TXNDC12: variants seen among roughly 807,000 people sequenced by gnomAD.
TXNDC12 encodes the protein thioredoxin domain containing 12.
TXNDC12 carries 22 observed loss-of-function variants against 24.2 expected under a neutral mutation model. The observed-to-expected ratio is 0.91, with a 90% CI of 0.65 to 1.30. TXNDC12 has a LOEUF of 1.30. TXNDC12 is among the 50% of genes most tolerant of loss of function. TXNDC12 has a pLI of 0.00. For synonymous variants in TXNDC12, 58 were observed against 73.4 expected, an observed-to-expected ratio of 0.79 and a Z score of 1.07; for missense variants, 184 against 205.8, an observed-to-expected ratio of 0.89 and a Z score of 0.65.
intron 2 of TXNDC12, among the ~76,000 whole-genome samples, chr1:52,036,764 C>T (rs1435194546): frequency 6.6e-6 from 1 of 152,222 alleles, no homozygotes; most frequent in Non-Finnish European, 1.5e-5. Context: ...TGTTTTTCCT[C>T]ATCATCTGGC....
At chr1:52,021,989 G>A (rs1685603176) in intron 6 of TXNDC12, among the ~76,000 whole-genome samples, 1 of 152,160 alleles carries the variant, frequency 6.6e-6, no homozygotes, top group Non-Finnish European at 1.5e-5. Flanking sequence ...TAAAGGGAAG[G>A]TGAATCTCAA....
At chr1:52,031,254 G>A (rs1182177005) in intron 2 of TXNDC12, among the ~76,000 whole-genome samples, 5 of 151,460 alleles carry the variant, frequency 3.3e-5, no homozygotes, top group Admixed American at 1.3e-4. Flanking sequence ...CCGCCTCCCG[G>A]GTTCAAGCGA....
Position 52,054,989 on chromosome 1 carries a change from C to A in TXNDC12, c.97+11G>T, listed in dbSNP as rs755160222. ...AAGATCAGTAAAGAGAAGATAAGAA[C>A]GCGGTCTGACCCTTTCCAAGCCCAT... On this transcript the variant is annotated intron_variant, in intron 1 of 6. Coordinates refer to ENST00000371626, the MANE Select transcript of TXNDC12 (RefSeq NM_015913.4). 5 of 1,598,558 alleles carry A rather than the reference C, an allele frequency of 3.1e-6. No homozygotes were observed. In the South Asian group the frequency reaches 4.4e-5, roughly 14 times the overall value.
rs1291714271 is a variant in TXNDC12 at position 52,028,635 on chromosome 1, A to G, written c.159-5T>C. On this transcript the variant is annotated splice_polypyrimidine_tract_variant and splice_region_variant and intron_variant, in intron 2 of 6. Transcript: ENST00000371626. The stretch of plus-strand genomic sequence containing the variant: ...ATCACCATCAGGGGCAGTCCACTTA[A>G]AAGCAAAACAAAGAAATTATAATCT... The G allele has an allele frequency of 1.9e-6, 3 of 1,604,138 alleles. No individual in the cohort carries two copies. Among genetic ancestry groups the G allele is most frequent in the Non-Finnish European group, 2.6e-6 (3 of 1,174,590 alleles).
intron 5 of TXNDC12, 110 bp downstream of exon 5, chr1:52,024,400 T>C: frequency 2.4e-6 from 2 of 835,660 alleles, no homozygotes; most frequent in Non-Finnish European, 3.9e-6. Flanking sequence ...AACTGGTTTT[T>C]ATTTGTTTGT....
At position 52,041,598 on chromosome 1, in the gene TXNDC12, C is replaced by T; in HGVS notation, c.98-1G>A. On this transcript the variant is annotated splice_acceptor_variant, in intron 1 of 6. Transcript: ENST00000371626. LOFTEE classifies it high-confidence loss of function. ...CTCCAATGAATATGATCTCCAAAAC[C>T]TGGAAGGAAAGAACTTTATAAGCAT... 6.2e-7 allele frequency: 1 copy of T among 1,607,546 alleles called. No individual in the cohort carries two copies. The highest frequency in any genetic ancestry group is 8.5e-7 in the Non-Finnish European group (1 of 1,175,964).
At chr1:52,046,863 AAAAAT>A (rs1470038731) in intron 1 of TXNDC12, among the ~76,000 whole-genome samples, 1,846 of 29,084 alleles carry the variant, frequency 0.063, 23 homozygotes, top group African/African-American at 0.11. Context: ...TAAAAAAAAA[AAAAAT>A]ATATATATAT....
chr1:52,027,880 T>C (rs1685696517), intron 3 of TXNDC12, among the ~76,000 whole-genome samples: 1 of 151,886 alleles, frequency 6.6e-6, no homozygotes, highest in Non-Finnish European at 1.5e-5. Context: ...TCACCCAGGC[T>C]GGAGTACAAT....
At chr1:52,030,852 ACT>A (rs954465392) in intron 2 of TXNDC12, among the ~76,000 whole-genome samples, 7 of 151,854 alleles carry the variant, frequency 4.6e-5, no homozygotes, top group Non-Finnish European at 7.4e-5. Context: ...AAATCTAAAG[ACT>A]CCTTTGTGAT....
At chr1:52,022,081 G>T (rs2124355695) in intron 6 of TXNDC12, among the ~76,000 whole-genome samples, 1 of 152,292 alleles carries the variant, frequency 6.6e-6, no homozygotes, top group African/African-American at 2.4e-5. Context: ...CCAGTGATCT[G>T]CATTTGGTTA....
At chr1:52,054,666 T>C (rs1472610805) in intron 1 of TXNDC12, among the ~76,000 whole-genome samples, 1 of 152,054 alleles carries the variant, frequency 6.6e-6, no homozygotes, top group African/African-American at 2.4e-5. Context: ...AACGGCTCTA[T>C]TTCTCCCAGG....
At chr1:52,044,826 T>G (rs1686059341) in intron 1 of TXNDC12, among the ~76,000 whole-genome samples, 1 of 151,976 alleles carries the variant, frequency 6.6e-6, no homozygotes, top group African/African-American at 2.4e-5. Context: ...TACAAAAAAG[T>G]TAGCCAGGTG....
intron 3 of TXNDC12, among the ~76,000 whole-genome samples, chr1:52,028,174 C>T (rs1685701732): frequency 1.3e-5 from 2 of 151,918 alleles, no homozygotes; most frequent in Admixed American, 1.3e-4. Context: ...TTAAGTGCAG[C>T]ATACTAAATA....
At chr1:52,044,919 G>A (rs76901998) in intron 1 of TXNDC12, among the ~76,000 whole-genome samples, 8,020 of 151,512 alleles carry the variant, frequency 0.053, 220 homozygotes, top group South Asian at 0.064. Context: ...AGTTTACAGT[G>A]AGTTGAGATC....
rs149543614 is a variant in TXNDC12, at chr1:52,038,531, T to C, written c.158+3006A>G. ...TTCACCATGTTGGCCAGGCTGGTCA[T>C]AAACTCTTGACCTCAAATGATCCAC... On this transcript the variant is annotated intron_variant, in intron 2 of 6. Coordinates refer to ENST00000371626, the MANE Select transcript of TXNDC12 (RefSeq NM_015913.4). Among the ~76,000 whole-genome samples, 413 of 152,128 alleles carry C rather than the reference T, an allele frequency of 2.7e-3. 2 individuals carry two copies. The highest frequency in any genetic ancestry group is 9.4e-3 in the African/African-American group (392 of 41,484).
intron 2 of TXNDC12, chr1:52,033,814 C>T: frequency 6.7e-7 from 1 of 1,499,668 alleles, no homozygotes; most frequent in Non-Finnish European, 8.9e-7. Flanking sequence ...CCGGGTTGTA[C>T]GCGTCTCCGA....
intron 1 of TXNDC12, chr1:52,052,555 G>A (rs979770255): frequency 2.4e-5 from 4 of 169,000 alleles, no homozygotes; most frequent in African/African-American, 9.6e-5. Context: ...CATGCGGAAA[G>A]ATCACATGGA....
chr1:52,054,759 C>T (rs1307656833), intron 1 of TXNDC12, among the ~76,000 whole-genome samples: 5 of 152,160 alleles, frequency 3.3e-5, no homozygotes, highest in Non-Finnish European at 7.4e-5. Context: ...ATTTACGGGC[C>T]ATTCCTTCCC....
At chr1:52,038,700 C>CT (rs1352949692) in intron 2 of TXNDC12, among the ~76,000 whole-genome samples, 3 of 152,126 alleles carry the variant, frequency 2.0e-5, no homozygotes, top group African/African-American at 7.2e-5. Flanking sequence ...CCTTCACCTT[C>CT]TTTTTGCTTT....
Sources: allele counts gnomAD v4.1 joint callset (sites outside exome capture counted in the v4.1 genomes callset), GRCh38; gene constraint gnomAD v4.1.1; transcripts MANE v1.5; gene names NCBI Gene and HGNC (gene_info 2026-07-23, HGNC 2026-07-21).